Variants in UGDH observed in about 807,000 individuals in gnomAD.
The protein encoded by UGDH is UDP-glucose 6-dehydrogenase.
Under a neutral mutation model 50.6 loss-of-function variants are expected in UGDH, and 38 were observed. The ratio of observed to expected loss-of-function variants is 0.75; its 90% CI spans 0.58 to 0.98. UGDH has a LOEUF of 0.98. UGDH is among the 50% of genes least tolerant of loss of function. The probability of loss-of-function intolerance (pLI) is 0.00; values close to 1 mark genes in which losing one functional copy is unlikely to be tolerated. For missense variants in UGDH, 465 were observed against 606.2 expected (o/e 0.77, Z 2.45); for synonymous variants, 168 against 199.9 (o/e 0.84, Z 1.35).
chr4:39,522,126 A>G (rs1047502074), intron 1 of UGDH, among the ~76,000 whole-genome samples: 5 of 152,204 alleles, frequency 3.3e-5, no homozygotes, highest in African/African-American at 4.8e-5. Context: ...AAGAAAATGT[A>G]ATTTCTGTAA....
chr4:39,519,267 G>A (rs569736625), intron 2 of UGDH, among the ~76,000 whole-genome samples: 312 of 151,182 alleles, frequency 2.1e-3, no homozygotes, highest in Non-Finnish European at 3.5e-3. Context: ...TGTTGCCCAG[G>A]CTGGACTTGA....
chr4:39,510,926 G>T (rs1746222818), intron 3 of UGDH, 65 bp from the exon 4 acceptor site: 1 of 1,522,130 alleles, frequency 6.6e-7, no homozygotes. Context: ...GATATACCCT[G>T]AACTACTGGT....
chr4:39,511,918 G>A (rs1746262695), intron 3 of UGDH, among the ~76,000 whole-genome samples: 1 of 150,890 alleles, frequency 6.6e-6, no homozygotes, highest in South Asian at 2.1e-4. Context: ...GGCCAGGGTG[G>A]TCTCAAACTC....
intron 11 of UGDH, among the ~76,000 whole-genome samples, chr4:39,503,536 A>G (rs929176787): frequency 6.6e-6 from 1 of 152,236 alleles, no homozygotes; most frequent in African/African-American, 2.4e-5. Flanking sequence ...GTAGAGAAGT[A>G]GAGTAGTCAG....
At chr4:39,500,920 C>T (rs935523316) in intron 11 of UGDH, among the ~76,000 whole-genome samples, 2 of 151,536 alleles carry the variant, frequency 1.3e-5, no homozygotes, top group South Asian at 2.1e-4. Context: ...TCCCAGAGTG[C>T]TGGGATTACC....
chr4:39,501,489 G>A (rs1414908227), intron 11 of UGDH, among the ~76,000 whole-genome samples: 1 of 151,310 alleles, frequency 6.6e-6, no homozygotes, highest in Admixed American at 6.6e-5. Flanking sequence ...TAGCCAGGAT[G>A]GTCTCGATCT....
Position 39,509,943 on chromosome 4 carries a change from G to T in UGDH, c.664-36C>A, listed in dbSNP as rs746399919. 3.9e-6 allele frequency: 6 copies of T among 1,558,070 alleles called. No individual in the cohort carries two copies. The South Asian group carries it at 7.2e-5, about 19-fold the overall frequency. On this transcript the variant is annotated intron_variant, in intron 5 of 11. Coordinates refer to ENST00000316423, the MANE Select transcript of UGDH (RefSeq NM_003359.4). Reference sequence around the variant, plus strand: ...AAAAACATAGAGAAGAGTAAGATAAGCTAAAACAGCAATTTTATACATCTA... The same window carrying T: ...AAAAACATAGAGAAGAGTAAGATAATCTAAAACAGCAATTTTATACATCTA...
intron 7 of UGDH, among the ~76,000 whole-genome samples, chr4:39,506,900 G>A (rs1020988980): frequency 6.6e-6 from 1 of 152,164 alleles, no homozygotes; most frequent in Non-Finnish European, 1.5e-5. Flanking sequence ...TGGTGCACCT[G>A]TAGTCCCAGC....
At chr4:39,507,222 A>G (rs1033673377) in intron 7 of UGDH, among the ~76,000 whole-genome samples, 1 of 152,208 alleles carries the variant, frequency 6.6e-6, no homozygotes, top group African/African-American at 2.4e-5. Context: ...CAAAGTGCCC[A>G]AAAGAGTACC....
chr4:39,527,011 A>C (rs1363837247), intron 1 of UGDH: 1 of 1,289,250 alleles, frequency 7.8e-7, no homozygotes, highest in Admixed American at 2.3e-5. Flanking sequence ...CCAAGTCAGG[A>C]AAGTGGGTAA....
chr4:39,513,830 C>T (rs559829086), intron 3 of UGDH, among the ~76,000 whole-genome samples: 17 of 152,156 alleles, frequency 1.1e-4, no homozygotes, highest in Non-Finnish European at 2.4e-4. Context: ...CCACCGCACC[C>T]GCCCATTTCC....
At chr4:39,522,246 T>C (rs1372290348) in intron 1 of UGDH, among the ~76,000 whole-genome samples, 1 of 152,222 alleles carries the variant, frequency 6.6e-6, no homozygotes, top group Non-Finnish European at 1.5e-5. Flanking sequence ...TTCACACTAA[T>C]CAAAATGACA....
At chr4:39,524,926 C>G (rs1746814274) in intron 1 of UGDH, among the ~76,000 whole-genome samples, 1 of 152,236 alleles carries the variant, frequency 6.6e-6, no homozygotes, top group Admixed American at 6.5e-5. Flanking sequence ...CTGGGATAGA[C>G]TACTGATGGC....
At chr4:39,513,552 T>A in intron 3 of UGDH, among the ~76,000 whole-genome samples, 1 of 142,190 alleles carries the variant, frequency 7.0e-6, no homozygotes, top group South Asian at 2.4e-4. Flanking sequence ...TTTTTTTTTT[T>A]TTTGAGACAG....
chr4:39,506,658 G>T (rs866127934), intron 7 of UGDH, among the ~76,000 whole-genome samples: 14 of 152,178 alleles, frequency 9.2e-5, no homozygotes, highest in African/African-American at 3.1e-4. Context: ...ATTTAGGTTG[G>T]TAACCGGGTG....
At chr4:39,500,581 T>C (rs180765582) in intron 11 of UGDH, among the ~76,000 whole-genome samples, 1 of 152,310 alleles carries the variant, frequency 6.6e-6, no homozygotes, top group East Asian at 1.9e-4. Context: ...AGTTCATATT[T>C]TATTTCAAAC....
At chr4:39,527,014 G>A (rs1214878626) in intron 1 of UGDH, 1 of 1,289,310 alleles carries the variant, frequency 7.8e-7, no homozygotes. Flanking sequence ...AGTCAGGAAA[G>A]TGGGTAAAGG....
At chr4:39,526,653 T>C (rs546743892) in intron 1 of UGDH, 72 of 181,388 alleles carry the variant, frequency 4.0e-4, no homozygotes, top group Admixed American at 7.6e-4. Flanking sequence ...ATAGGACGTA[T>C]AATTTTTCAA....
intron 1 of UGDH, chr4:39,527,059 T>C: frequency 7.8e-7 from 1 of 1,289,312 alleles, no homozygotes; most frequent in Non-Finnish European, 1.0e-6. Flanking sequence ...TCACGAGTCT[T>C]GAATAAGAAG....
Sources: gnomAD v4.1 joint callset for allele counts (sites outside exome capture counted in the v4.1 genomes callset) on GRCh38, gnomAD v4.1.1 for gene constraint, MANE v1.5 for transcripts, NCBI Gene and HGNC (gene_info 2026-07-23, HGNC 2026-07-21) for gene names.